Variants in PKIB observed in about 807,000 individuals in gnomAD.
PKIB encodes the protein cAMP-dependent protein kinase inhibitor beta.
A neutral mutation model predicts 4.5 loss-of-function variants in PKIB; 2 were observed. The ratio of observed to expected loss-of-function variants is 0.44; its 90% confidence interval spans 0.18 to 1.39. The LOEUF (loss-of-function observed/expected upper bound fraction) is 1.39. Ranked by LOEUF, PKIB falls within the 40% of genes most tolerant of loss-of-function variation. PKIB has a pLI of 0.27. For missense variants in PKIB, 94 were observed against 92.6 expected, an observed-to-expected ratio of 1.02 and a Z score of -0.06; for synonymous variants, 38 against 36.0, an observed-to-expected ratio of 1.06 and a Z score of -0.20.
At chr6:122,657,566 G>C (rs1040134784) in intron 2 of PKIB, among the ~76,000 whole-genome samples, 7 of 152,204 alleles carry the variant, frequency 4.6e-5, no homozygotes, top group African/African-American at 1.7e-4. Flanking sequence ...GGGAATTTAT[G>C]AGTGAATGAT....
intron 2 of PKIB, among the ~76,000 whole-genome samples, chr6:122,552,812 G>A (rs1772717744): frequency 6.6e-6 from 1 of 152,096 alleles, no homozygotes; most frequent in Non-Finnish European, 1.5e-5. Context: ...TTTGCATCCA[G>A]GGAGCCATTT....
chr6:122,639,610 T>C (rs928741356), intron 2 of PKIB, among the ~76,000 whole-genome samples: 12 of 152,190 alleles, frequency 7.9e-5, no homozygotes, highest in African/African-American at 2.9e-4. Context: ...AAAGGTGTTA[T>C]ATCAGGAGTG....
At chr6:122,532,861 A>G (rs777105034) in intron 2 of PKIB, among the ~76,000 whole-genome samples, 41 of 152,264 alleles carry the variant, frequency 2.7e-4, no homozygotes, top group Non-Finnish European at 4.7e-4. Context: ...AATTCTTTTG[A>G]GTATATACCC....
chr6:122,694,942 G>T (rs982986307), intron 3 of PKIB, among the ~76,000 whole-genome samples: 7 of 152,170 alleles, frequency 4.6e-5, no homozygotes, highest in African/African-American at 1.7e-4. Context: ...GGTAAATAGA[G>T]TGTAGTCAGC....
intron 2 of PKIB, among the ~76,000 whole-genome samples, chr6:122,491,911 C>T (rs550733881): frequency 1.3e-5 from 2 of 152,148 alleles, no homozygotes; most frequent in African/African-American, 4.8e-5. Context: ...GTTGTTTTTA[C>T]AGTCAGCAAA....
At chr6:122,517,560 T>TA (rs1392044997) in intron 2 of PKIB, among the ~76,000 whole-genome samples, 1 of 152,224 alleles carries the variant, frequency 6.6e-6, no homozygotes, top group Non-Finnish European at 1.5e-5. Context: ...GACATCAGTC[T>TA]AAAGTGTTGT....
chr6:122,589,749 T>C (rs935413087), intron 3 of PKIB, among the ~76,000 whole-genome samples: 17 of 152,134 alleles, frequency 1.1e-4, no homozygotes, highest in Non-Finnish European at 2.4e-4. Context: ...AAGTTATTGA[T>C]ATTTCATTAT....
intron 3 of PKIB, among the ~76,000 whole-genome samples, chr6:122,676,349 C>T (rs1211411390): frequency 2.0e-5 from 3 of 152,084 alleles, no homozygotes; most frequent in East Asian, 1.9e-4. Context: ...ACAGATGAAG[C>T]TTTGCTTGCT....
At chr6:122,613,753 C>A (rs536263148) in intron 1 of PKIB, among the ~76,000 whole-genome samples, 1 of 151,974 alleles carries the variant, frequency 6.6e-6, no homozygotes, top group East Asian at 1.9e-4. Flanking sequence ...ATCACAAGGT[C>A]AAGAGGTAGA....
chr6:122,527,155 A>G (rs1777114833), intron 2 of PKIB, among the ~76,000 whole-genome samples: 2 of 152,128 alleles, frequency 1.3e-5, no homozygotes, highest in South Asian at 2.1e-4. Flanking sequence ...GAAGAGAGTG[A>G]GGATCTTGCT....
At chr6:122,499,774 C>G (rs1202085422) in intron 2 of PKIB, among the ~76,000 whole-genome samples, 1 of 152,164 alleles carries the variant, frequency 6.6e-6, no homozygotes, top group African/African-American at 2.4e-5. Flanking sequence ...CAAATTTCAT[C>G]TCTTTTTGCT....
At chr6:122,566,815 A>G (rs1773210154) in intron 2 of PKIB, among the ~76,000 whole-genome samples, 1 of 152,168 alleles carries the variant, frequency 6.6e-6, no homozygotes, top group Non-Finnish European at 1.5e-5. Context: ...AATATTTATT[A>G]TTTTTAACAT....
At chr6:122,569,771 G>A (rs886390102) in intron 2 of PKIB, among the ~76,000 whole-genome samples, 5 of 152,186 alleles carry the variant, frequency 3.3e-5, no homozygotes, top group African/African-American at 9.7e-5. Context: ...CCATTCTTAG[G>A]GGAAGGGAGA....
In PKIB at chr6:122,618,716, C is replaced by T. The variant is rs146794982; in HGVS notation, c.-161+8181C>T. On this transcript the variant is annotated intron_variant, in intron 1 of 4. Transcript: ENST00000368452. ...GCTCCATTAACTAATTTTCTGGTGA[C>T]GCTACAGAAAGTTACCAAATTCAGT... Among the ~76,000 whole-genome samples, 60 of 152,000 alleles carry T rather than the reference C, an allele frequency of 3.9e-4. 1 individual carries two copies. The Middle Eastern group carries it at 0.01, about 26-fold the overall frequency.
At chr6:122,489,795 A>T (rs1370123136) in intron 2 of PKIB, among the ~76,000 whole-genome samples, 1 of 152,250 alleles carries the variant, frequency 6.6e-6, no homozygotes, top group East Asian at 1.9e-4. Flanking sequence ...GAAAGACATG[A>T]CAACTCAATC....
At chr6:122,493,207 A>G (rs1045493770) in intron 2 of PKIB, 3 of 152,156 alleles carry the variant, frequency 2.0e-5, no homozygotes, top group African/African-American at 4.8e-5. Flanking sequence ...TTAATCACCA[A>G]TGTTACTGTG....
At chr6:122,585,567 T>C (rs981194084) in intron 2 of PKIB, 10 of 152,182 alleles carry the variant, frequency 6.6e-5, no homozygotes, top group African/African-American at 1.9e-4. Context: ...AAAATTGTTA[T>C]AGTTTTCTTT....
chr6:122,679,419 G>A (rs1168283038), intron 3 of PKIB, among the ~76,000 whole-genome samples: 1 of 152,160 alleles, frequency 6.6e-6, no homozygotes, highest in Non-Finnish European at 1.5e-5. Context: ...GATGGCTGAA[G>A]AGCTGAGATG....
At chr6:122,475,427 G>C (rs1440179459) in intron 1 of PKIB, among the ~76,000 whole-genome samples, 1 of 152,118 alleles carries the variant, frequency 6.6e-6, no homozygotes, top group African/African-American at 2.4e-5. Flanking sequence ...ACTGAGGCAG[G>C]AGGATAGCTT....
Sources: gnomAD v4.1 joint callset for allele counts (sites outside exome capture counted in the v4.1 genomes callset) on GRCh38, gnomAD v4.1.1 for gene constraint, MANE v1.5 for transcripts, NCBI Gene and HGNC (gene_info 2026-07-23, HGNC 2026-07-21) for gene names.